Variants in CCN6 observed in about 807,000 individuals in gnomAD.
The protein encoded by CCN6 is CCN family member 6.
CCN6 carries 31 observed loss-of-function variants against 37.4 expected under a neutral mutation model. The ratio of observed to expected loss-of-function variants is 0.83; its 90% CI spans 0.62 to 1.12. CCN6 has a LOEUF of 1.12. Ranked by LOEUF, CCN6 falls within the 50% of genes most tolerant of loss-of-function variation. The pLI, the probability that CCN6 is intolerant of heterozygous loss-of-function variation, is 0.00. For missense variants in CCN6, 369 were observed against 413.8 expected, an observed-to-expected ratio of 0.89 and a Z score of 0.94; for synonymous variants, 137 against 142.1, an observed-to-expected ratio of 0.96 and a Z score of 0.26.
intron 3 of CCN6, chr6:112,067,064 T>C: frequency 7.4e-7 from 1 of 1,358,892 alleles, no homozygotes; most frequent in Non-Finnish European, 9.8e-7. Flanking sequence ...CTCTCCTCAG[T>C]TCTATGTGCA....
intron 1 of CCN6, 98 bp from the exon 2 acceptor site, chr6:112,060,893 C>T: frequency 7.1e-7 from 1 of 1,400,080 alleles, no homozygotes; most frequent in East Asian, 2.3e-5. Context: ...TTGTAACTCA[C>T]CACTCTGTAT....
At chr6:112,063,976 T>A (rs1466085976) in intron 2 of CCN6, among the ~76,000 whole-genome samples, 4 of 152,222 alleles carry the variant, frequency 2.6e-5, no homozygotes, top group African/African-American at 7.2e-5. Flanking sequence ...AAATTAATAC[T>A]TTTTGCTGTG....
chr6:112,054,490 TGGAGGAAGAG>T, intron 1 of CCN6, 85 bp downstream of exon 1: 1 of 1,307,414 alleles, frequency 7.6e-7, no homozygotes. Flanking sequence ...AAAACGAAGA[TGGAGGAAGAG>T]GGAGGATCAA....
At chr6:112,060,197 A>G in intron 1 of CCN6, 1 of 1,264,206 alleles carries the variant, frequency 7.9e-7, no homozygotes, top group Non-Finnish European at 1.0e-6. Context: ...TGAGGAAGTC[A>G]CTCCATATGA....
intron 2 of CCN6, among the ~76,000 whole-genome samples, chr6:112,061,774 AAAG>A (rs1776531500): frequency 6.6e-6 from 1 of 152,184 alleles, no homozygotes; most frequent in Admixed American, 6.5e-5. Context: ...ATTTGTAAAA[AAAG>A]AAGGTGAGGT....
In CCN6 at chr6:112,054,232, A is replaced by G. The variant is rs1776276510; in HGVS notation, c.-126A>G. 4 of 1,274,768 alleles carry G rather than the reference A, an allele frequency of 3.1e-6. No individual in the cohort carries two copies. The highest frequency in any genetic ancestry group is 2.4e-5 in the South Asian group (2 of 84,388). 79.0% of individuals were successfully genotyped at this position (1,274,768 alleles called of 1,614,324 possible). ...TGAAAGTTGGTAGTGTGGGAGGTAG[A>G]GGGTGTGTGTTCTTGTGCAGAGGAG... On this transcript the variant is annotated 5_prime_UTR_variant, in exon 1 of 5. Transcript: ENST00000368666.
At chr6:112,053,737 T>G (rs1554311173), upstream of CCN6, among the ~76,000 whole-genome samples, 1 of 151,666 alleles carries the variant, frequency 6.6e-6, no homozygotes, top group East Asian at 1.9e-4. Context: ...GGTGTTGGGA[T>G]AAAGGTGAGC....
intron 1 of CCN6, chr6:112,060,075 T>A: frequency 7.4e-7 from 1 of 1,359,878 alleles, no homozygotes; most frequent in Non-Finnish European, 9.8e-7. Context: ...GTGTGGCTGG[T>A]GTGGAGGCAG....
chr6:112,058,430 A>G (rs781821996), intron 1 of CCN6, among the ~76,000 whole-genome samples: 1 of 152,242 alleles, frequency 6.6e-6, no homozygotes, highest in African/African-American at 2.4e-5. Flanking sequence ...TATTTACATA[A>G]GCAAATTGCC....
chr6:112,064,512 C>G (rs1247779017), intron 2 of CCN6, among the ~76,000 whole-genome samples: 3 of 152,118 alleles, frequency 2.0e-5, no homozygotes, highest in African/African-American at 7.2e-5. Flanking sequence ...TTTACAGGGT[C>G]TTTACTTGGT....
At chr6:112,053,215 G>A (rs1344221454), upstream of CCN6, among the ~76,000 whole-genome samples, 1 of 152,166 alleles carries the variant, frequency 6.6e-6, no homozygotes, top group Admixed American at 6.5e-5. Flanking sequence ...GATGACACAG[G>A]AGGAGATGCG....
upstream of CCN6, among the ~76,000 whole-genome samples, chr6:112,053,708 G>A (rs993244265): frequency 2.0e-5 from 3 of 152,040 alleles, no homozygotes; most frequent in African/African-American, 7.2e-5. Flanking sequence ...TCCACTCACA[G>A]TCCACCTGGC....
At chr6:112,065,224 T>G (rs782612745) in intron 3 of CCN6, among the ~76,000 whole-genome samples, 1 of 152,188 alleles carries the variant, frequency 6.6e-6, no homozygotes, top group Non-Finnish European at 1.5e-5. Context: ...AAAACATTTT[T>G]AAAAGATCTA....
intron 2 of CCN6, among the ~76,000 whole-genome samples, chr6:112,061,557 A>G (rs1290410960): frequency 1.3e-5 from 2 of 152,248 alleles, no homozygotes; most frequent in Non-Finnish European, 2.9e-5. Flanking sequence ...AGAAAATAAA[A>G]GGAATTATCT....
In CCN6 at chr6:112,060,984, A is replaced by G; in HGVS notation, c.49-7A>G. On this transcript the variant is annotated splice_polypyrimidine_tract_variant and splice_region_variant and intron_variant, in intron 1 of 4. Transcript: ENST00000368666. The stretch of plus-strand genomic sequence containing the variant: ...ATTTCTAACATCACCTTTATTATCA[A>G]ATGAAGTTCTGCTGCAGGGTACAGG... 6.2e-7 allele frequency: 1 copy of G among 1,613,994 alleles called. No homozygotes were observed. Among genetic ancestry groups the G allele is most frequent in the Non-Finnish European group, 8.5e-7 (1 of 1,180,016 alleles).
intron 3 of CCN6, among the ~76,000 whole-genome samples, chr6:112,066,318 G>A (rs1776694568): frequency 6.6e-6 from 1 of 151,498 alleles, no homozygotes; most frequent in Admixed American, 6.6e-5. Context: ...TTGGATTTTA[G>A]TCATTCAGTA....
chr6:112,063,604 A>C (rs1776591396), intron 2 of CCN6, among the ~76,000 whole-genome samples: 1 of 152,216 alleles, frequency 6.6e-6, no homozygotes, highest in South Asian at 2.1e-4. Flanking sequence ...TGATGGATAC[A>C]AGTTTTCCAA....
chr6:112,056,262 ATCAGCTAGCAACAATTTC>A (rs1776346174), intron 1 of CCN6, among the ~76,000 whole-genome samples: 1 of 152,198 alleles, frequency 6.6e-6, no homozygotes, highest in African/African-American at 2.4e-5. Context: ...TGTGAGGCAG[ATCAGCTAGCAACAATTTC>A]TCTTAGGTTT....
intron 1 of CCN6, among the ~76,000 whole-genome samples, chr6:112,055,981 G>A (rs1435814305): frequency 6.6e-6 from 1 of 152,164 alleles, no homozygotes; most frequent in Non-Finnish European, 1.5e-5. Context: ...CAAATGATGG[G>A]AAGTTCTGTA....
Sources: allele counts gnomAD v4.1 joint callset (sites outside exome capture counted in the v4.1 genomes callset), GRCh38; gene constraint gnomAD v4.1.1; transcripts MANE v1.5; gene names NCBI Gene and HGNC (gene_info 2026-07-23, HGNC 2026-07-21).